The following MGAT4C variants were observed in gnomAD, a reference collection of about 807,000 sequenced individuals.
MGAT4C encodes alpha-1,3-mannosyl-glycoprotein 4-beta-N-acetylglucosaminyltransferase C.
A neutral mutation model predicts 40.1 loss-of-function variants in MGAT4C; 19 were observed. The ratio of observed to expected loss-of-function variants is 0.47; its 90% CI spans 0.33 to 0.70. The LOEUF is 0.70. Among genes scored for constraint, MGAT4C ranks in the 30% least tolerant of loss-of-function variants. The probability of loss-of-function intolerance (pLI) is 0.02; values close to 1 mark genes in which losing one functional copy is unlikely to be tolerated. For synonymous variants in MGAT4C, 181 were observed against 187.1 expected (o/e 0.97, Z 0.27); for missense variants, 491 against 563.2 (o/e 0.87, Z 1.30).
At chr12:86,315,624 T>A (rs1473633217) in intron 4 of MGAT4C, among the ~76,000 whole-genome samples, 1 of 152,078 alleles carries the variant, frequency 6.6e-6, no homozygotes, top group East Asian at 1.9e-4. Context: ...GAGAATGGCA[T>A]GAACCCGGGA....
rs193093682 is a variant in MGAT4C at position 86,123,866 on chromosome 12, T to C, written c.-56-74143A>G. On this transcript the variant is annotated intron_variant, in intron 1 of 4. Coordinates refer to ENST00000611864, the MANE Select transcript of MGAT4C (RefSeq NM_001351288.2). ...ACGAAGGATAGGCTTTAGTTTCTAT[T>C]ATGAAATTACTAGAAAGTCCCTTGT... Among the ~76,000 whole-genome samples the C allele has an allele frequency of 2.5e-3, 373 of 152,220 alleles. 2 individuals carry two copies. Among genetic ancestry groups the C allele is most frequent in the African/African-American group, 8.7e-3 (360 of 41,550 alleles).
chr12:86,574,000 C>A (rs1960465541), intron 2 of MGAT4C, among the ~76,000 whole-genome samples: 2 of 151,752 alleles, frequency 1.3e-5, no homozygotes, highest in South Asian at 2.1e-4. Context: ...TACTCTTACA[C>A]AAGGTACGTT....
chr12:86,833,799 C>T (rs1952978761), intron 1 of MGAT4C, among the ~76,000 whole-genome samples: 1 of 151,752 alleles, frequency 6.6e-6, no homozygotes, highest in African/African-American at 2.4e-5. Flanking sequence ...TAGTTAGCAG[C>T]CTGTGTTCTG....
At chr12:86,560,839 A>G (rs1959828130) in intron 2 of MGAT4C, among the ~76,000 whole-genome samples, 1 of 152,184 alleles carries the variant, frequency 6.6e-6, no homozygotes. Context: ...AACTGGAAAA[A>G]AGGAAGTAAA....
chr12:86,072,556 CCT>C (rs1355012513), intron 1 of MGAT4C, among the ~76,000 whole-genome samples: 1 of 151,898 alleles, frequency 6.6e-6, no homozygotes, highest in Admixed American at 6.6e-5. Context: ...CATTTTTTCC[CCT>C]TTTTGTTCAC....
At chr12:86,361,178 A>T (rs980053053) in intron 3 of MGAT4C, among the ~76,000 whole-genome samples, 13 of 152,180 alleles carry the variant, frequency 8.5e-5, no homozygotes, top group Non-Finnish European at 1.6e-4. Context: ...CAGAAATAAT[A>T]CCACACATCT....
chr12:86,659,928 TTAAA>T (rs1963940141), intron 2 of MGAT4C, among the ~76,000 whole-genome samples: 1 of 149,638 alleles, frequency 6.7e-6, no homozygotes, highest in East Asian at 2.0e-4. Flanking sequence ...AGCAGGGTGA[TTAAA>T]AAAAAAAAAA....
chr12:86,286,091 G>A (rs1374834555), intron 4 of MGAT4C, among the ~76,000 whole-genome samples: 1 of 151,704 alleles, frequency 6.6e-6, no homozygotes, highest in Non-Finnish European at 1.5e-5. Context: ...TAGAAATAAG[G>A]ACAAAATTGT....
At chr12:86,366,417 A>G (rs919761538) in intron 3 of MGAT4C, among the ~76,000 whole-genome samples, 1 of 152,054 alleles carries the variant, frequency 6.6e-6, no homozygotes, top group Admixed American at 6.6e-5. Flanking sequence ...TTTTGGTACT[A>G]TGTTGAAGGA....
intron 4 of MGAT4C, 150 bp downstream of exon 4, chr12:85,983,373 G>A (rs1026342708): frequency 4.5e-5 from 31 of 686,132 alleles, no homozygotes; most frequent in Non-Finnish European, 6.5e-5. Context: ...TATAGTAGTT[G>A]GCAATTTGTG....
chr12:86,111,663 C>CTTAATTTCAAACCT (rs1399350303), intron 1 of MGAT4C, among the ~76,000 whole-genome samples: 15 of 151,892 alleles, frequency 9.9e-5, no homozygotes, highest in Middle Eastern at 3.4e-3. Flanking sequence ...TAACCTAAGC[C>CTTAATTTCAAACCT]TTAATTTCAA....
chr12:86,278,013 C>G (rs1273612775), intron 4 of MGAT4C, among the ~76,000 whole-genome samples: 2 of 152,088 alleles, frequency 1.3e-5, no homozygotes, highest in Non-Finnish European at 2.9e-5. Context: ...AATATTCTTA[C>G]AATCCAGGGA....
chr12:86,024,758 A>C (rs1268901364), intron 2 of MGAT4C, among the ~76,000 whole-genome samples: 1 of 151,842 alleles, frequency 6.6e-6, no homozygotes, highest in African/African-American at 2.4e-5. Context: ...AGTCATTTCC[A>C]TAGTCAAATG....
chr12:86,225,360 G>C (rs1257423958), intron 1 of MGAT4C, among the ~76,000 whole-genome samples: 4 of 152,004 alleles, frequency 2.6e-5, no homozygotes. Context: ...AATTAGACGA[G>C]TCAAACAAAG....
chr12:86,345,610 A>C (rs929053560), intron 3 of MGAT4C, among the ~76,000 whole-genome samples: 16 of 152,186 alleles, frequency 1.1e-4, no homozygotes, highest in Non-Finnish European at 2.1e-4. Flanking sequence ...TGAACTCATC[A>C]TTTTTTATGG....
chr12:86,090,609 T>C (rs1483739588), intron 1 of MGAT4C, among the ~76,000 whole-genome samples: 1 of 151,870 alleles, frequency 6.6e-6, no homozygotes, highest in Admixed American at 6.6e-5. Context: ...AATACCAGTC[T>C]ATGTATTTTT....
At chr12:86,835,858 C>A (rs923605306) in intron 1 of MGAT4C, among the ~76,000 whole-genome samples, 75 of 151,654 alleles carry the variant, frequency 4.9e-4, no homozygotes, top group African/African-American at 1.7e-3. Flanking sequence ...CCCCCCTCCA[C>A]ACACACACAC....
chr12:86,434,822 C>T lies in MGAT4C; in HGVS notation c.-120+335G>A, dbSNP rs892659773. On this transcript the variant is annotated intron_variant, in intron 3 of 7. Transcript: ENST00000548651. ...CTTAAACACATAGATTCACTCTCAG[C>T]CATGGTATCAGAATACCAATCTTTC... is the stretch of plus-strand genomic sequence containing the variant. 5.3e-4 allele frequency among the ~76,000 whole-genome samples: 80 copies of T among 151,816 alleles called. 1 individual carries two copies. Among genetic ancestry groups the T allele is most frequent in the African/African-American group, 1.8e-3 (74 of 41,398 alleles).
intron 4 of MGAT4C, among the ~76,000 whole-genome samples, chr12:86,290,001 T>C (rs1953466045): frequency 6.6e-6 from 1 of 152,116 alleles, no homozygotes; most frequent in South Asian, 2.1e-4. Context: ...TAGGTCATAC[T>C]GAAAAGACAA....
Sources: allele counts gnomAD v4.1 joint callset (sites outside exome capture counted in the v4.1 genomes callset), GRCh38; gene constraint gnomAD v4.1.1; transcripts MANE v1.5; gene names NCBI Gene and HGNC (gene_info 2026-07-23, HGNC 2026-07-21).